Variants in GRIK3 observed in about 807,000 individuals in gnomAD.
GRIK3 encodes glutamate ionotropic receptor kainate type subunit 3, also known as glutamate receptor ionotropic, kainate 3.
Under a neutral mutation model 102.5 loss-of-function variants are expected in GRIK3, and 29 were observed. That is an observed-to-expected ratio of 0.28 (90% CI 0.21 to 0.39). The LOEUF (loss-of-function observed/expected upper bound fraction) is 0.39. GRIK3 is among the 10% of genes least tolerant of loss of function. The pLI is 1.00. For missense variants in GRIK3, 908 were observed against 1,252.4 expected, an observed-to-expected ratio of 0.73 and a Z score of 4.15; for synonymous variants, 511 against 504.9, an observed-to-expected ratio of 1.01 and a Z score of -0.16.
At chr1:36,848,400 C>A (rs1247917339) in intron 9 of GRIK3, among the ~76,000 whole-genome samples, 1 of 152,046 alleles carries the variant, frequency 6.6e-6, no homozygotes, top group East Asian at 1.9e-4. Flanking sequence ...TTATTTATAT[C>A]TCACATTTTA....
At chr1:36,859,055 C>G (rs1640688050) in intron 7 of GRIK3, 53 bp downstream of exon 7, 3 of 1,476,306 alleles carry the variant, frequency 2.0e-6, no homozygotes, top group Non-Finnish European at 2.8e-6. Flanking sequence ...TGCTGCTCTA[C>G]AGGGCCCACA....
At chr1:36,989,963 G>A (rs778813072) in intron 1 of GRIK3, among the ~76,000 whole-genome samples, 24 of 152,122 alleles carry the variant, frequency 1.6e-4, no homozygotes, top group South Asian at 6.2e-4. Flanking sequence ...TTATTCTTAC[G>A]CTTGATTCGG....
intron 1 of GRIK3, among the ~76,000 whole-genome samples, chr1:37,001,192 C>A (rs369559278): frequency 6.6e-6 from 1 of 152,204 alleles, no homozygotes; most frequent in African/African-American, 2.4e-5. Flanking sequence ...CTCAGAAAGA[C>A]GAGCTCCCAT....
At chr1:36,924,964 G>A (rs916648640) in intron 1 of GRIK3, among the ~76,000 whole-genome samples, 5 of 152,026 alleles carry the variant, frequency 3.3e-5, no homozygotes, top group African/African-American at 1.2e-4. Flanking sequence ...TATGTATCAG[G>A]CATCTACTAT....
At chr1:37,021,091 A>AGTGT (rs140990633) in intron 1 of GRIK3, among the ~76,000 whole-genome samples, 6,719 of 143,918 alleles carry the variant, frequency 0.047, 166 homozygotes, top group Non-Finnish European at 0.055. Context: ...CAAATTTGCA[A>AGTGT]GTGTGTGTGT....
chr1:37,010,199 G>A (rs937885325), intron 1 of GRIK3, among the ~76,000 whole-genome samples: 3 of 152,138 alleles, frequency 2.0e-5, no homozygotes, highest in Non-Finnish European at 4.4e-5. Context: ...CACCCAAGCC[G>A]GGCCACTCCT....
chr1:37,020,002 T>TTCAGAGGCAAATTCC (rs1164258463), intron 1 of GRIK3, among the ~76,000 whole-genome samples: 3 of 152,232 alleles, frequency 2.0e-5, no homozygotes, highest in Non-Finnish European at 2.9e-5. Flanking sequence ...TCATTTCTTG[T>TTCAGAGGCAAATTCC]TCAGAGGCAA....
chr1:36,865,209 A>C (rs74381248), intron 5 of GRIK3, among the ~76,000 whole-genome samples: 1 of 152,188 alleles, frequency 6.6e-6, no homozygotes, highest in Admixed American at 6.5e-5. Flanking sequence ...TTACCTACAC[A>C]TGACATGTAC....
chr1:36,816,939 C>G (rs1209966752), intron 13 of GRIK3, 121 bp downstream of exon 13: 5 of 695,116 alleles, frequency 7.2e-6, no homozygotes, highest in African/African-American at 1.8e-5. Context: ...GCTGAGAGGG[C>G]TTCTGACCCA....
chr1:36,835,031 A>G (rs1369255330), intron 10 of GRIK3, among the ~76,000 whole-genome samples: 1 of 152,196 alleles, frequency 6.6e-6, no homozygotes, highest in Non-Finnish European at 1.5e-5. Context: ...CCGTTGCAGC[A>G]CTGATCAAAA....
chr1:36,880,507 G>C lies in GRIK3; in HGVS notation c.550+127C>G. 2.1e-6 allele frequency: 2 copies of C among 931,064 alleles called. No homozygotes were observed. The highest frequency in any genetic ancestry group is 3.4e-6 in the Non-Finnish European group (2 of 584,570). The allele number at this position is 931,064 out of a possible 1,614,324, so 57.7% of individuals were successfully genotyped here. ...GGGTGAACATCAGCATAACCGAGTGGAACTGGGGTATGGAACACAGCCTCT... is the reference window on the plus strand; with the variant it reads ...GGGTGAACATCAGCATAACCGAGTGCAACTGGGGTATGGAACACAGCCTCT... On this transcript the variant is annotated intron_variant, in intron 3 of 15. Coordinates refer to ENST00000373091, the MANE Select transcript of GRIK3 (RefSeq NM_000831.4). This position sits in a 1 kb window ranked among gnomAD's most constrained non-coding sequence, Gnocchi z 5.4.
rs543525774 is a variant in GRIK3, at chr1:36,897,936, A to G, written c.116-6840T>C. On this transcript the variant is annotated intron_variant, in intron 1 of 15. Transcript: ENST00000373091. ...AATGGATAAAGAAAATGTGGTGCTT[A>G]TACACAATGGAGTACTATTCAGCCA... 5.9e-5 allele frequency among the ~76,000 whole-genome samples: 9 copies of G among 152,332 alleles called. No homozygotes were observed. In the East Asian group the frequency reaches 1.7e-3, roughly 29 times the overall value.
At chr1:36,865,630 T>A (rs969050180) in intron 5 of GRIK3, among the ~76,000 whole-genome samples, 2 of 152,184 alleles carry the variant, frequency 1.3e-5, no homozygotes, top group African/African-American at 2.4e-5. Context: ...GAACTGTGTG[T>A]ATTGCAAGGG....
chr1:36,860,475 C>T (rs1640709103), intron 5 of GRIK3, among the ~76,000 whole-genome samples: 1 of 152,190 alleles, frequency 6.6e-6, no homozygotes, highest in African/African-American at 2.4e-5. Flanking sequence ...GTCTTTTCTG[C>T]CTAGGACTCA....
chr1:36,977,423 G>A (rs1642206596), intron 1 of GRIK3, among the ~76,000 whole-genome samples: 1 of 152,234 alleles, frequency 6.6e-6, no homozygotes, highest in South Asian at 2.1e-4. Context: ...ACCATTGTGT[G>A]CACAGCCAGC....
intron 15 of GRIK3, among the ~76,000 whole-genome samples, chr1:36,803,997 C>G (rs1291316623): frequency 6.6e-6 from 1 of 152,230 alleles, no homozygotes; most frequent in Non-Finnish European, 1.5e-5. Flanking sequence ...GTGGAAGACT[C>G]TGAACATACC....
At chr1:36,921,695 A>G (rs1411466884) in intron 1 of GRIK3, among the ~76,000 whole-genome samples, 1 of 152,176 alleles carries the variant, frequency 6.6e-6, no homozygotes, top group Non-Finnish European at 1.5e-5. Flanking sequence ...GTGTCATAGT[A>G]TAATGGGTGG....
chr1:36,825,670 G>T lies in GRIK3; in HGVS notation c.1687C>A (p.Pro563Thr), dbSNP rs911866679. 1.9e-6 allele frequency: 3 copies of T among 1,613,110 alleles called. No homozygotes were observed. Among genetic ancestry groups the T allele is most frequent in the Middle Eastern group, 3.3e-4 (2 of 6,066 alleles). The change falls in exon 11 of 16, where the codon CCA (proline) becomes ACA (threonine). Residue 563 changes from proline to threonine, a missense_variant. Transcript: ENST00000373091. ...SVFSFLNPLSPDIWMYVLLAY... is the reference protein window; with the variant it reads ...SVFSFLNPLSTDIWMYVLLAY... ...AGGAGAACATACATCCAGATGTCTG[G>T]GGACAGGGGATTGAGGAAGGAGAAG...
intron 1 of GRIK3, among the ~76,000 whole-genome samples, chr1:37,021,215 GT>G (rs1273582553): frequency 6.6e-6 from 1 of 151,482 alleles, no homozygotes; most frequent in African/African-American, 2.4e-5. Flanking sequence ...ACAGTTGTCT[GT>G]TTTTTTCCCA....
Sources: allele counts gnomAD v4.1 joint callset (sites outside exome capture counted in the v4.1 genomes callset), GRCh38; gene constraint gnomAD v4.1.1; non-coding constraint Gnocchi (gnomAD v3.1); transcripts MANE v1.5; gene names NCBI Gene and HGNC (gene_info 2026-07-23, HGNC 2026-07-21).